Variants in NAALADL2 observed in about 807,000 individuals in gnomAD.
The protein encoded by NAALADL2 is inactive N-acetylated-alpha-linked acidic dipeptidase-like protein 2.
Under a neutral mutation model 87.2 loss-of-function variants are expected in NAALADL2, and 76 were observed. The observed-to-expected ratio is 0.87, with a 90% CI of 0.72 to 1.05. NAALADL2 has a LOEUF of 1.05. Among genes scored for constraint, NAALADL2 ranks in the 50% least tolerant of loss-of-function variants. NAALADL2 has a pLI of 0.00. For synonymous variants in NAALADL2, 354 were observed against 331.0 expected (o/e 1.07, Z -0.75); for missense variants, 1,089 against 945.8 (o/e 1.15, Z -1.99).
Position 175,518,833 on chromosome 3 carries a change from G to A in NAALADL2, c.1653+47075G>A, listed in dbSNP as rs1329720361. Among the ~76,000 whole-genome samples, 5 of 152,226 alleles carry A rather than the reference G, an allele frequency of 3.3e-5. No homozygotes were observed. The South Asian group carries it at 6.2e-4, about 19-fold the overall frequency. Reference sequence around the variant, plus strand: ...ACTGCCACAGTGGGGATTAAGTTTCGTAGATCAAAAAATCAACTTACAAAA... The same window carrying A: ...ACTGCCACAGTGGGGATTAAGTTTCATAGATCAAAAAATCAACTTACAAAA... On this transcript the variant is annotated intron_variant, in intron 9 of 13. Transcript: ENST00000454872.
Position 174,792,428 on chromosome 3 carries a change from T to G in NAALADL2, c.-9+54682T>G, listed in dbSNP as rs77364333. 2.7e-3 allele frequency among the ~76,000 whole-genome samples: 416 copies of G among 152,294 alleles called. 1 individual carries two copies. Among genetic ancestry groups the G allele is most frequent in the African/African-American group, 9.5e-3 (395 of 41,582 alleles). The stretch of plus-strand genomic sequence containing the variant: ...CTGTTTGCTGCCTACTACCCAGTTT[T>G]CATGTCAGCCTCTGTGCCACTGTCT... On this transcript the variant is annotated intron_variant, in intron 3 of 3. Transcript: ENST00000434257.
At chr3:175,456,813 G>C (rs969491241) in intron 6 of NAALADL2, among the ~76,000 whole-genome samples, 1 of 151,814 alleles carries the variant, frequency 6.6e-6, no homozygotes, top group South Asian at 2.1e-4. Flanking sequence ...ATTACAATAG[G>C]GTCCAAACTA....
At chr3:174,678,723 A>G (rs1727264153) in intron 2 of NAALADL2, among the ~76,000 whole-genome samples, 1 of 152,182 alleles carries the variant, frequency 6.6e-6, no homozygotes, top group African/African-American at 2.4e-5. Flanking sequence ...GTAAGTTCAC[A>G]GAAGTTTAGA....
rs187987310 is a variant in NAALADL2 at position 174,831,652 on chromosome 3, T to C, written c.-9+93906T>C. Among the ~76,000 whole-genome samples, 1,494 of 151,376 alleles carry C rather than the reference T, an allele frequency of 9.9e-3. 23 individuals are homozygous for C. Among genetic ancestry groups the C allele is most frequent in the African/African-American group, 0.034 (1,412 of 41,358 alleles). ...AGAGTTAGGGAGGATTCCCTCGTTT[T>C]CTATTGATTGGAATAGTTTCAGAAG... On this transcript the variant is annotated intron_variant, in intron 3 of 3. Transcript: ENST00000434257.
At chr3:174,711,940 C>G (rs1280174791) in intron 2 of NAALADL2, among the ~76,000 whole-genome samples, 2 of 152,136 alleles carry the variant, frequency 1.3e-5, no homozygotes, top group Non-Finnish European at 2.9e-5. Context: ...GCTGGGACTA[C>G]AGGCGCATGC....
At chr3:174,938,163 C>T (rs544171821) in intron 1 of NAALADL2, among the ~76,000 whole-genome samples, 12 of 151,976 alleles carry the variant, frequency 7.9e-5, no homozygotes, top group African/African-American at 2.4e-5. Flanking sequence ...TTTTCTGCTC[C>T]TCTCCTTCCT....
At chr3:174,823,625 C>A (rs959875479) in intron 3 of NAALADL2, among the ~76,000 whole-genome samples, 1 of 152,150 alleles carries the variant, frequency 6.6e-6, no homozygotes, top group African/African-American at 2.4e-5. Context: ...CAATTTCATT[C>A]TTTTATGCCC....
intron 5 of NAALADL2, among the ~76,000 whole-genome samples, chr3:175,418,362 CT>C (rs1038259896): frequency 1.3e-5 from 2 of 152,080 alleles, no homozygotes; most frequent in African/African-American, 4.8e-5. Context: ...AAGTTTTCCA[CT>C]TTTGTAAGGT....
At chr3:175,133,578 C>T (rs1200492868) in intron 2 of NAALADL2, among the ~76,000 whole-genome samples, 1 of 152,190 alleles carries the variant, frequency 6.6e-6, no homozygotes, top group East Asian at 1.9e-4. Context: ...GAAAACCAGT[C>T]AGGCGTGGCG....
chr3:175,366,477 A>C (rs1309420087), intron 5 of NAALADL2, among the ~76,000 whole-genome samples: 1 of 151,466 alleles, frequency 6.6e-6, no homozygotes, highest in Admixed American at 6.6e-5. Flanking sequence ...TCCCACCAAC[A>C]GTGTAAAAGT....
At chr3:174,636,825 A>G (rs958389534) in intron 2 of NAALADL2, among the ~76,000 whole-genome samples, 4 of 152,208 alleles carry the variant, frequency 2.6e-5, no homozygotes, top group Admixed American at 2.6e-4. Flanking sequence ...CTAGGTATTT[A>G]TCCAAAGGAA....
At chr3:175,474,747 T>A (rs1725422640) in intron 9 of NAALADL2, among the ~76,000 whole-genome samples, 1 of 151,998 alleles carries the variant, frequency 6.6e-6, no homozygotes, top group African/African-American at 2.4e-5. Flanking sequence ...CCCTACCTCT[T>A]CAGTGCCTTT....
intron 11 of NAALADL2, among the ~76,000 whole-genome samples, chr3:175,709,084 G>A (rs1003863520): frequency 3.3e-5 from 5 of 151,746 alleles, no homozygotes; most frequent in Non-Finnish European, 5.9e-5. Context: ...ACTCTATCAA[G>A]GTATCAAGAT....
chr3:174,769,908 A>C (rs756815677), intron 3 of NAALADL2, among the ~76,000 whole-genome samples: 10 of 151,962 alleles, frequency 6.6e-5, no homozygotes, highest in African/African-American at 2.4e-4. Flanking sequence ...TCAATAACCA[A>C]ATTTTAGGTC....
chr3:174,950,387 A>G (rs891271291), intron 1 of NAALADL2, among the ~76,000 whole-genome samples: 3 of 152,062 alleles, frequency 2.0e-5, no homozygotes, highest in Middle Eastern at 3.2e-3. Context: ...TGGTTTGACT[A>G]ATTTGACCAA....
intron 1 of NAALADL2, among the ~76,000 whole-genome samples, chr3:174,983,868 G>C (rs1251704263): frequency 1.3e-5 from 2 of 152,128 alleles, no homozygotes; most frequent in African/African-American, 4.8e-5. Context: ...CCTGAGAAGG[G>C]TAGTTTCTTC....
chr3:175,659,878 G>T (rs953170844), intron 11 of NAALADL2, among the ~76,000 whole-genome samples: 1 of 152,118 alleles, frequency 6.6e-6, no homozygotes, highest in Non-Finnish European at 1.5e-5. Flanking sequence ...ACTGAATTCG[G>T]TTTTCAGTTG....
intron 2 of NAALADL2, among the ~76,000 whole-genome samples, chr3:175,182,634 T>C (rs1453886609): frequency 2.2e-5 from 3 of 136,288 alleles, no homozygotes; most frequent in Non-Finnish European, 4.6e-5. Context: ...TGACCTCAAC[T>C]GACCCTCCTG....
chr3:174,502,277 G>A (rs936417860), intron 1 of NAALADL2, among the ~76,000 whole-genome samples: 1 of 152,282 alleles, frequency 6.6e-6, no homozygotes, highest in East Asian at 1.9e-4. Flanking sequence ...TGCTTAAAAA[G>A]CATTGCTCTA....
Sources: gnomAD v4.1 joint callset for allele counts (sites outside exome capture counted in the v4.1 genomes callset) on GRCh38, gnomAD v4.1.1 for gene constraint, MANE v1.5 for transcripts, NCBI Gene and HGNC (gene_info 2026-07-23, HGNC 2026-07-21) for gene names.